The following PRDM15 variants were observed in gnomAD, a reference collection of about 807,000 sequenced individuals.
PRDM15 encodes the protein PR/SET domain 15.
A neutral mutation model predicts 128.6 loss-of-function variants in PRDM15; 64 were observed. The ratio of observed to expected loss-of-function variants is 0.50; its 90% confidence interval spans 0.41 to 0.61. PRDM15 has a LOEUF of 0.61. PRDM15 is among the 20% of genes least tolerant of loss of function. The pLI is 0.00. For synonymous variants in PRDM15, 615 were observed against 621.8 expected, an observed-to-expected ratio of 0.99 and a Z score of 0.16; for missense variants, 1,242 against 1,569.1, an observed-to-expected ratio of 0.79 and a Z score of 3.52.
rs117700556 is a variant in PRDM15 at position 41,849,889 on chromosome 21, T to C, written c.539-2698A>G. Among the ~76,000 whole-genome samples the C allele has an allele frequency of 1.4e-3, 208 of 152,290 alleles. 3 individuals are homozygous for C. The East Asian group carries it at 0.032, about 24-fold the overall frequency. On this transcript the variant is annotated intron_variant, in intron 5 of 23. Coordinates refer to ENST00000398548, the MANE Select transcript of PRDM15 (RefSeq NM_001040424.3). ...AGGTAGAGGTTGCAGTGAGCTGAGA[T>C]TGGGCCACCACATTCCAGCCTGGGT...
At chr21:41,829,383 C>T (rs1210052813) in intron 11 of PRDM15, among the ~76,000 whole-genome samples, 3 of 151,968 alleles carry the variant, frequency 2.0e-5, no homozygotes, top group Non-Finnish European at 4.4e-5. Context: ...CAAATACACA[C>T]ATATTCAACA....
intron 9 of PRDM15, 77 bp from the exon 10 acceptor site, chr21:41,836,284 C>T (rs1429260842): frequency 2.3e-5 from 32 of 1,407,872 alleles, no homozygotes; most frequent in Non-Finnish European, 3.2e-5. Flanking sequence ...CGGGGAAATG[C>T]CCCACAAGCC....
At chr21:41,836,705 T>C (rs1291375468) in intron 8 of PRDM15, 56 bp from the exon 9 acceptor site, 2 of 1,484,712 alleles carry the variant, frequency 1.3e-6, no homozygotes, top group Non-Finnish European at 1.8e-6. Flanking sequence ...AGTTCCAGGT[T>C]ACAAGCAGCA....
Position 41,810,326 on chromosome 21 carries a change from C to T in PRDM15, c.2480G>A (p.Gly827Asp). The T allele has an allele frequency of 6.2e-7, 1 of 1,612,002 alleles. No individual in the cohort carries two copies. The highest frequency in any genetic ancestry group is 8.5e-7 in the Non-Finnish European group (1 of 1,179,346). The change falls in exon 21 of 24, where the codon GGC (glycine) becomes GAC (aspartate). Residue 827 changes from glycine (G) to aspartate (D), a missense_variant. By Grantham distance (94) the Gly-to-Asp change is moderately conservative. Transcript: ENST00000398548. This position sits in a 1 kb window ranked among gnomAD's most constrained non-coding sequence, Gnocchi z 6.4. The part of the protein sequence containing the change: ...METHKLIHTV[G>D]KQWTCSVCDK... The stretch of plus-strand genomic sequence containing the variant: ...GCACACGGAGCACGTCCACTGCTTG[C>T]CCACTTTTCACACACACGCAGACAC...
In PRDM15 at chr21:41,802,742, C is replaced by G; in HGVS notation, c.2913G>C (p.Glu971Asp). The part of the protein sequence containing the change: ...ETEFTGSVGD[E>D]TNSAVQSIQQ... ...GAATGCTCTGTACTGCGGAATTGGT[C>G]TCGTCGCCTACACTGCCTGTGAACT... Residue 971 changes from glutamate (E) to aspartate (D), a missense_variant, in exon 23 of 24, where the codon GAG becomes GAC. Transcript: ENST00000398548. 6.2e-7 allele frequency: 1 copy of G among 1,614,174 alleles called. No homozygotes were observed. The highest frequency in any genetic ancestry group is 1.1e-5 in the South Asian group (1 of 91,060).
Position 41,854,230 on chromosome 21 carries a change from A to G in PRDM15, c.538+336T>C, listed in dbSNP as rs1172904768. On this transcript the variant is annotated intron_variant, in intron 5 of 23. Transcript: ENST00000398548. The surrounding 1 kb of genome is among the most constrained non-coding windows in gnomAD (Gnocchi z 4.6). ...GCTACACCATACAGCCTGGGTGTGTAGCAGGCCAGGCCATCAAGGTGCGCG... is the reference window on the plus strand; with the variant it reads ...GCTACACCATACAGCCTGGGTGTGTGGCAGGCCAGGCCATCAAGGTGCGCG... Among the ~76,000 whole-genome samples, 1 of 152,210 alleles carries G rather than the reference A, an allele frequency of 6.6e-6. No individual in the cohort carries two copies. Among genetic ancestry groups the G allele is most frequent in the Non-Finnish European group, 1.5e-5 (1 of 68,026 alleles).
At chr21:41,863,508 G>A (rs1159088062) in intron 1 of PRDM15, among the ~76,000 whole-genome samples, 4 of 152,040 alleles carry the variant, frequency 2.6e-5, no homozygotes, top group Admixed American at 1.3e-4. Context: ...ATCACAGTAA[G>A]ACCACAGTAA....
chr21:41,860,717 G>A (rs2063784948), intron 1 of PRDM15, among the ~76,000 whole-genome samples: 1 of 152,076 alleles, frequency 6.6e-6, no homozygotes, highest in African/African-American at 2.4e-5. Context: ...CACCGTGCCT[G>A]GCCTCTTACC....
In PRDM15 at chr21:41,810,484, A is replaced by C; in HGVS notation, c.2477-155T>G. ...AGGGCCGGTGCTGGTCCCCGAGCACACATGAGCACAGAGCCTCTGTCCCTT... is the reference window on the plus strand; with the variant it reads ...AGGGCCGGTGCTGGTCCCCGAGCACCCATGAGCACAGAGCCTCTGTCCCTT... On this transcript the variant is annotated intron_variant, in intron 20 of 23. Coordinates refer to ENST00000398548, the MANE Select transcript of PRDM15 (RefSeq NM_001040424.3). The surrounding 1 kb of genome is among the most constrained non-coding windows in gnomAD (Gnocchi z 6.4). 5.1e-6 allele frequency: 4 copies of C among 786,916 alleles called. No individual in the cohort carries two copies. Among genetic ancestry groups the C allele is most frequent in the Non-Finnish European group, 6.1e-6 (3 of 494,754 alleles). The allele number at this position is 786,916 out of a possible 1,614,324, so 48.7% of individuals were successfully genotyped here.
intron 18 of PRDM15, among the ~76,000 whole-genome samples, chr21:41,818,068 C>T (rs1247519496): frequency 6.6e-6 from 1 of 152,232 alleles, no homozygotes; most frequent in East Asian, 1.9e-4. Flanking sequence ...AATAAGCCCC[C>T]ACCCCTGCCC....
chr21:41,873,403 T>C (rs1051020194), intron 1 of PRDM15, among the ~76,000 whole-genome samples: 3 of 152,368 alleles, frequency 2.0e-5, no homozygotes, highest in East Asian at 3.9e-4. Context: ...GAACGCCCAA[T>C]GTCCAAGGAA....
rs78591410 is a variant in PRDM15 at position 41,824,632 on chromosome 21, G to T, written c.1630-1183C>A. 7.1e-3 allele frequency among the ~76,000 whole-genome samples: 1,080 copies of T among 152,328 alleles called. 10 individuals are homozygous for T. Among genetic ancestry groups the T allele is most frequent in the African/African-American group, 0.025 (1,021 of 41,568 alleles). On this transcript the variant is annotated intron_variant, in intron 13 of 23. Coordinates refer to ENST00000398548, the MANE Select transcript of PRDM15 (RefSeq NM_001040424.3). ...GTGGACAGAAAGACTGGGGACGGGG[G>T]ATAAGGGGCACAGGCTTCGCCCACC...
chr21:41,860,159 C>G (rs936897801), intron 2 of PRDM15, among the ~76,000 whole-genome samples, 168 bp downstream of exon 2: 3 of 152,202 alleles, frequency 2.0e-5, no homozygotes, highest in Admixed American at 6.5e-5. Flanking sequence ...CTGTAGTGTA[C>G]TGCTTATTAA....
intron 1 of PRDM15, among the ~76,000 whole-genome samples, chr21:41,868,519 T>G (rs1286387727): frequency 1.3e-5 from 2 of 152,122 alleles, no homozygotes; most frequent in African/African-American, 2.4e-5. Flanking sequence ...TTTTTTATTT[T>G]AGTCATTCTG....
intron 5 of PRDM15, 45 bp from the exon 6 acceptor site, chr21:41,847,236 CAT>C: frequency 3.0e-6 from 4 of 1,332,126 alleles, no homozygotes; most frequent in Non-Finnish European, 4.2e-6. Context: ...CCAAGCAGCT[CAT>C]ATGTCTCCAT....
chr21:41,834,416 CG>C, intron 11 of PRDM15: 1 of 1,202,966 alleles, frequency 8.3e-7, no homozygotes, highest in Admixed American at 2.0e-5. Flanking sequence ...AACACAGGGG[CG>C]GGTGGCACCT....
chr21:41,860,778 A>G (rs2063786504), intron 1 of PRDM15, among the ~76,000 whole-genome samples: 1 of 152,190 alleles, frequency 6.6e-6, no homozygotes, highest in African/African-American at 2.4e-5. Flanking sequence ...CAGCCAGTAC[A>G]GGAACATTAC....
intron 2 of PRDM15, 50 bp downstream of exon 2, chr21:41,860,277 T>C: frequency 6.7e-7 from 1 of 1,495,416 alleles, no homozygotes; most frequent in Non-Finnish European, 9.3e-7. Flanking sequence ...ATCTGTGTTC[T>C]ATGACATAGG....
Position 41,801,115 on chromosome 21 carries a change from G to T in PRDM15, c.*125C>A. 1 of 1,360,516 alleles carries T rather than the reference G, an allele frequency of 7.4e-7. No individual in the cohort carries two copies. Among genetic ancestry groups the T allele is most frequent in the Non-Finnish European group, 9.9e-7 (1 of 1,014,176 alleles). 84.3% of individuals were successfully genotyped at this position (1,360,516 alleles called of 1,614,324 possible). A position where few individuals can be genotyped will look rare whatever the true frequency, so the allele number is the denominator to read the frequency against. On this transcript the variant is annotated 3_prime_UTR_variant, in exon 24 of 24. Transcript: ENST00000398548. ...CTGGCGGGGGATCTGGAGATACTCT[G>T]CAAAGCTAAGTCAACCTTACATTGC...
Sources: allele counts gnomAD v4.1 joint callset (sites outside exome capture counted in the v4.1 genomes callset), GRCh38; gene constraint gnomAD v4.1.1; non-coding constraint Gnocchi (gnomAD v3.1); transcripts MANE v1.5; gene names NCBI Gene and HGNC (gene_info 2026-07-23, HGNC 2026-07-21).